BABAM2: variants seen among roughly 807,000 people sequenced by gnomAD.
The protein encoded by BABAM2 is BRISC and BRCA1-A complex member 2.
Under a neutral mutation model 54.7 loss-of-function variants are expected in BABAM2, and 31 were observed. The observed-to-expected ratio is 0.57, with a 90% confidence interval of 0.43 to 0.77. BABAM2 has a LOEUF of 0.77. Ranked by LOEUF, BABAM2 falls within the 30% of genes least tolerant of loss-of-function variation. The pLI, the probability that BABAM2 is intolerant of heterozygous loss-of-function variation, is 0.00. For missense variants in BABAM2, 364 were observed against 455.8 expected, an observed-to-expected ratio of 0.80 and a Z score of 1.83; for synonymous variants, 167 against 162.9, an observed-to-expected ratio of 1.03 and a Z score of -0.19.
At chr2:28,112,141 CTTT>C (rs1668109916) in intron 6 of BABAM2, among the ~76,000 whole-genome samples, 13 of 16,310 alleles carry the variant, frequency 8.0e-4, no homozygotes, top group Non-Finnish European at 1.4e-3. Flanking sequence ...TTCTTTCTTT[CTTT>C]CTTTACCTCC....
At chr2:28,327,582 T>G in intron 11 of BABAM2, 2 of 1,040,370 alleles carry the variant, frequency 1.9e-6, no homozygotes, top group South Asian at 3.9e-5. Flanking sequence ...CAACACATAC[T>G]GAGACCACAG....
chr2:27,933,178 T>C (rs144317617), intron 3 of BABAM2, among the ~76,000 whole-genome samples: 1 of 152,302 alleles, frequency 6.6e-6, no homozygotes, highest in Non-Finnish European at 1.5e-5. Flanking sequence ...TTTAATAACA[T>C]TTGTGATTAG....
At chr2:28,333,085 G>A (rs1360437050) in intron 11 of BABAM2, among the ~76,000 whole-genome samples, 5 of 151,786 alleles carry the variant, frequency 3.3e-5, no homozygotes, top group Non-Finnish European at 7.4e-5. Flanking sequence ...TCTTCCCCTT[G>A]GCCCCAGCGG....
At chr2:28,033,992 A>G (rs1193931403) in intron 5 of BABAM2, among the ~76,000 whole-genome samples, 1 of 152,176 alleles carries the variant, frequency 6.6e-6, no homozygotes, top group Non-Finnish European at 1.5e-5. Flanking sequence ...ATCTGACCCA[A>G]ATCCTAGTAA....
upstream of BABAM2, chr2:27,890,587 C>T: frequency 4.1e-6 from 2 of 491,344 alleles, no homozygotes; most frequent in Non-Finnish European, 7.3e-6. The surrounding 1 kb of genome is among the most constrained non-coding windows in gnomAD (Gnocchi z 4.8). Context: ...CCGCGCTCCT[C>T]GTCACTCACG....
intron 3 of BABAM2, among the ~76,000 whole-genome samples, chr2:27,962,280 A>AT (rs928426583): frequency 8.5e-5 from 13 of 152,082 alleles, no homozygotes; most frequent in African/African-American, 2.7e-4. Context: ...TAATGTTTTA[A>AT]TTTTTTATGG....
chr2:27,924,247 A>G (rs1253196506), intron 2 of BABAM2, among the ~76,000 whole-genome samples: 1 of 152,182 alleles, frequency 6.6e-6, no homozygotes, highest in African/African-American at 2.4e-5. Flanking sequence ...GGGAGTGGGT[A>G]ATACTCCCCA....
At chr2:27,898,233 A>T (rs886711749) in intron 2 of BABAM2, among the ~76,000 whole-genome samples, 1 of 152,100 alleles carries the variant, frequency 6.6e-6, no homozygotes, top group Non-Finnish European at 1.5e-5. Context: ...TCTTTTCATA[A>T]GTTCCTTTGG....
At chr2:28,337,344 C>T (rs967098073) in intron 11 of BABAM2, among the ~76,000 whole-genome samples, 3 of 152,172 alleles carry the variant, frequency 2.0e-5, no homozygotes, top group Non-Finnish European at 4.4e-5. Context: ...CTGTGGCCCG[C>T]GGGACTGCCA....
At chr2:27,889,671 T>C (rs1664664486), upstream of BABAM2, among the ~76,000 whole-genome samples, 1 of 152,260 alleles carries the variant, frequency 6.6e-6, no homozygotes, top group Admixed American at 6.5e-5. Context: ...TTTATTTTGA[T>C]TCATACTTGG....
At chr2:28,059,976 G>A (rs1203837304) in intron 6 of BABAM2, among the ~76,000 whole-genome samples, 4 of 152,124 alleles carry the variant, frequency 2.6e-5, no homozygotes, top group African/African-American at 7.2e-5. Context: ...TTGAAAAAGG[G>A]GAAATGATTT....
intron 11 of BABAM2, among the ~76,000 whole-genome samples, chr2:28,300,754 T>G (rs1688041299): frequency 6.6e-6 from 1 of 152,206 alleles, no homozygotes; most frequent in Non-Finnish European, 1.5e-5. Flanking sequence ...AAGTGAAGCC[T>G]GTTTATCTTA....
At chr2:28,288,964 T>C (rs138119946) in intron 10 of BABAM2, among the ~76,000 whole-genome samples, 33 of 150,348 alleles carry the variant, frequency 2.2e-4, no homozygotes, top group African/African-American at 8.0e-4. Context: ...GGGTTGTTGT[T>C]TTTTTTTTTT....
At chr2:27,904,222 A>G (rs1313909913) in intron 2 of BABAM2, among the ~76,000 whole-genome samples, 1 of 152,246 alleles carries the variant, frequency 6.6e-6, no homozygotes, top group Non-Finnish European at 1.5e-5. Context: ...TTTTCAGACC[A>G]AACATTGCGT....
intron 10 of BABAM2, among the ~76,000 whole-genome samples, chr2:28,255,434 C>T (rs528928157): frequency 4.6e-5 from 7 of 152,074 alleles, no homozygotes; most frequent in East Asian, 3.9e-4. Context: ...CCGTCATGCC[C>T]GGCTAATTTT....
At chr2:28,266,295 T>G (rs1470292494) in intron 10 of BABAM2, among the ~76,000 whole-genome samples, 1 of 152,206 alleles carries the variant, frequency 6.6e-6, no homozygotes. Context: ...CCACCTTTCT[T>G]CTTTCTGACT....
intron 7 of BABAM2, among the ~76,000 whole-genome samples, chr2:28,140,720 AT>A (rs1426968426): frequency 9.2e-5 from 14 of 152,230 alleles, no homozygotes; most frequent in African/African-American, 2.9e-4. Flanking sequence ...CATATTGTAT[AT>A]GTGCTGTAAG....
rs1393041153 is a variant in BABAM2 at position 28,259,245 on chromosome 2, A to C, written c.934+14383A>C. Among the ~76,000 whole-genome samples the C allele has an allele frequency of 2.8e-3, 348 of 125,280 alleles. No homozygotes were observed. The Middle Eastern group carries it at 0.042, about 15-fold the overall frequency. The allele number at this position is 125,280 out of a possible 152,430, so 82.2% of individuals were successfully genotyped here. On this transcript the variant is annotated intron_variant, in intron 10 of 11. Transcript: ENST00000379624. ...TGGGACTACAGGCACACGCCACCAC[A>C]CCCAGCTAATTTTTGTATTTTTGGT...
At chr2:27,961,302 C>A (rs1670449620) in intron 3 of BABAM2, among the ~76,000 whole-genome samples, 1 of 152,130 alleles carries the variant, frequency 6.6e-6, no homozygotes. Context: ...GGATTTTTTC[C>A]CTTTGCGGTG....
Sources: gnomAD v4.1 joint callset for allele counts (sites outside exome capture counted in the v4.1 genomes callset) on GRCh38, gnomAD v4.1.1 for gene constraint, Gnocchi (gnomAD v3.1) non-coding constraint, MANE v1.5 for transcripts, NCBI Gene and HGNC (gene_info 2026-07-23, HGNC 2026-07-21) for gene names.